ADGB: variants seen among roughly 807,000 people sequenced by gnomAD.
The protein encoded by ADGB is calpain-7-like protein.
In ADGB, 172 loss-of-function variants were observed where a neutral mutation model predicts 210.5. The ratio of observed to expected loss-of-function variants is 0.82; its 90% confidence interval spans 0.72 to 0.93. The LOEUF (loss-of-function observed/expected upper bound fraction) is 0.93, where lower values mean the gene tolerates loss of function less well. Among genes scored for constraint, ADGB ranks in the 40% least tolerant of loss-of-function variants. The pLI is 0.00. For synonymous variants in ADGB, 658 were observed against 662.7 expected (o/e 0.99, Z 0.11); for missense variants, 2,025 against 1,964.8 (o/e 1.03, Z -0.58).
At chr6:146,808,907 A>G (rs2114673746) in intron 35 of ADGB, among the ~76,000 whole-genome samples, 1 of 152,124 alleles carries the variant, frequency 6.6e-6, no homozygotes, top group South Asian at 2.1e-4. Flanking sequence ...ATTGAGAAAA[A>G]GACAGTTTGA....
chr6:146,785,729 A>AC lies in ADGB; in HGVS notation c.4315+21dup. On this transcript the variant is annotated intron_variant, in intron 32 of 35. Coordinates refer to ENST00000397944, the MANE Select transcript of ADGB (RefSeq NM_024694.4). The stretch of plus-strand genomic sequence containing the variant: ...AAGAAGAAGGTGAGTGGATCCTACC[A>AC]CCCCAGCTGCCTCAGAGCACAGAGC... The AC allele has an allele frequency of 6.6e-7, 1 of 1,519,290 alleles. No homozygotes were observed. Among genetic ancestry groups the AC allele is most frequent in the East Asian group, 2.5e-5 (1 of 40,714 alleles). The allele number at this position is 1,519,290 out of a possible 1,614,324, so 94.1% of individuals were successfully genotyped here.
At chr6:146,611,576 C>T (rs1396642318) in intron 1 of ADGB, among the ~76,000 whole-genome samples, 1 of 152,166 alleles carries the variant, frequency 6.6e-6, no homozygotes, top group Non-Finnish European at 1.5e-5. Context: ...CTGCTTCCCC[C>T]AGTAGCTGCT....
rs983662836 is a variant in ADGB at position 146,685,749 on chromosome 6, A to G, written c.1232A>G (p.Gln411Arg). ...TGTTTTACAGGTTCTTCTGCAATAC[A>G]GACCTCTCATATGGTCGTATATGCG... is the stretch of plus-strand genomic sequence containing the variant. ...QSLSDCSSAI[Q>R]TSHMVVYATF... Residue 411 changes from glutamine to arginine, a missense_variant, in exon 10 of 36, where the codon CAG becomes CGG. Transcript: ENST00000397944. 2.6e-6 allele frequency: 4 copies of G among 1,530,984 alleles called. No homozygotes were observed. Among genetic ancestry groups the G allele is most frequent in the Non-Finnish European group, 3.5e-6 (4 of 1,138,776 alleles). 94.8% of individuals were successfully genotyped at this position (1,530,984 alleles called of 1,614,324 possible).
At chr6:146,688,345 G>A (rs1213079699) in intron 10 of ADGB, among the ~76,000 whole-genome samples, 2 of 152,058 alleles carry the variant, frequency 1.3e-5, no homozygotes, top group East Asian at 3.9e-4. Context: ...CTAATGGGTA[G>A]CCAGGGAAGT....
intron 27 of ADGB, among the ~76,000 whole-genome samples, chr6:146,763,072 CCT>C (rs1777518926): frequency 6.6e-6 from 1 of 152,266 alleles, no homozygotes; most frequent in South Asian, 2.1e-4. Context: ...ATCTTTGTTT[CCT>C]AAACCTAGCA....
In ADGB at chr6:146,644,753, C is replaced by A; in HGVS notation, c.238-20C>A. On this transcript the variant is annotated intron_variant, in intron 2 of 35. Coordinates refer to ENST00000397944, the MANE Select transcript of ADGB (RefSeq NM_024694.4). The stretch of plus-strand genomic sequence containing the variant: ...TTAATAAAAGAATATGCAGAAAAAA[C>A]TCAATTTATTTTTATATAGCATTTT... 1 of 1,335,332 alleles carries A rather than the reference C, an allele frequency of 7.5e-7. No individual in the cohort carries two copies. Among genetic ancestry groups the A allele is most frequent in the Non-Finnish European group, 9.9e-7 (1 of 1,010,604 alleles). 82.7% of individuals were successfully genotyped at this position (1,335,332 alleles called of 1,614,324 possible).
chr6:146,685,721 G>A lies in ADGB; in HGVS notation c.1217-13G>A, dbSNP rs1431638860. The A allele has an allele frequency of 4.4e-5, 65 of 1,464,046 alleles. No individual in the cohort carries two copies. The highest frequency in any genetic ancestry group is 5.5e-5 in the Non-Finnish European group (60 of 1,098,238). The allele number at this position is 1,464,046 out of a possible 1,614,324, so 90.7% of individuals were successfully genotyped here. ...CTAGAATTTTCACAACATAATGTAT[G>A]TTTGTTTTACAGGTTCTTCTGCAAT... On this transcript the variant is annotated splice_polypyrimidine_tract_variant and intron_variant, in intron 9 of 35. Coordinates refer to ENST00000397944, the MANE Select transcript of ADGB (RefSeq NM_024694.4).
intron 23 of ADGB, among the ~76,000 whole-genome samples, chr6:146,739,226 G>C (rs1777127518): frequency 6.6e-6 from 1 of 152,226 alleles, no homozygotes; most frequent in East Asian, 1.9e-4. Flanking sequence ...TCCTTGTATA[G>C]ATTAGGCCAG....
intron 12 of ADGB, among the ~76,000 whole-genome samples, chr6:146,700,094 C>A (rs959976390): frequency 1.3e-5 from 2 of 152,176 alleles, no homozygotes; most frequent in Non-Finnish European, 2.9e-5. Context: ...GATAGACATG[C>A]CCCTTGTCCT....
chr6:146,777,326 C>G (rs1436751231), intron 29 of ADGB, among the ~76,000 whole-genome samples: 1 of 151,716 alleles, frequency 6.6e-6, no homozygotes, highest in Non-Finnish European at 1.5e-5. Flanking sequence ...GAAGGAAACA[C>G]AGTAAAGATT....
At chr6:146,713,880 G>T (rs1343494619) in intron 13 of ADGB, among the ~76,000 whole-genome samples, 1 of 151,938 alleles carries the variant, frequency 6.6e-6, no homozygotes, top group Non-Finnish European at 1.5e-5. Flanking sequence ...TTTGTAGTTT[G>T]TCTCTGTCTG....
chr6:146,661,323 G>C (rs1041604264), intron 5 of ADGB, among the ~76,000 whole-genome samples: 2 of 146,774 alleles, frequency 1.4e-5, no homozygotes, highest in Non-Finnish European at 3.0e-5. Context: ...GGGATCCAGT[G>C]ATCCTCCTGC....
chr6:146,676,449 C>T lies in ADGB; in HGVS notation c.1216+8C>T, dbSNP rs182208335. On this transcript the variant is annotated splice_region_variant and intron_variant, in intron 9 of 35. Transcript: ENST00000397944. ...TGCAGTCCCTATCAGATTGTAAGCT[C>T]CTAATTTCTTAGAATAATAACTATT... 2.2e-3 allele frequency: 2,946 copies of T among 1,363,608 alleles called. 5 individuals are homozygous for T. Among genetic ancestry groups the T allele is most frequent in the Admixed American group, 3.8e-3 (113 of 29,638 alleles). The allele number at this position is 1,363,608 out of a possible 1,614,324, so 84.5% of individuals were successfully genotyped here. A position where few individuals can be genotyped will look rare whatever the true frequency, so the allele number is the denominator to read the frequency against.
chr6:146,788,148 T>G (rs532142708), intron 32 of ADGB, among the ~76,000 whole-genome samples: 1 of 152,250 alleles, frequency 6.6e-6, no homozygotes, highest in East Asian at 1.9e-4. Flanking sequence ...TGTCCCAACT[T>G]CTAAAAGCCT....
chr6:146,806,459 C>T (rs1255849454), intron 35 of ADGB, among the ~76,000 whole-genome samples: 2 of 152,122 alleles, frequency 1.3e-5, no homozygotes, highest in Non-Finnish European at 2.9e-5. Context: ...CTATCTTCTA[C>T]TTGTGCAATT....
chr6:146,713,280 G>A (rs1776684373), intron 13 of ADGB, among the ~76,000 whole-genome samples: 1 of 152,180 alleles, frequency 6.6e-6, no homozygotes, highest in Non-Finnish European at 1.5e-5. Context: ...ATACCTAAGA[G>A]TGGAATTGCT....
intron 23 of ADGB, among the ~76,000 whole-genome samples, chr6:146,739,513 G>A (rs1309275847): frequency 6.6e-6 from 1 of 152,200 alleles, no homozygotes; most frequent in South Asian, 2.1e-4. Context: ...CCCCTTCCAA[G>A]TATAATCCTG....
intron 1 of ADGB, among the ~76,000 whole-genome samples, chr6:146,629,494 T>C (rs1781028273): frequency 6.6e-6 from 1 of 152,216 alleles, no homozygotes. Flanking sequence ...TAAAGCTTAA[T>C]AGCTTCAAGG....
At chr6:146,814,117 C>T (rs369285991) in intron 35 of ADGB, among the ~76,000 whole-genome samples, 6 of 152,252 alleles carry the variant, frequency 3.9e-5, no homozygotes, top group African/African-American at 1.2e-4. Flanking sequence ...AGCTACAGTA[C>T]TATCTTTTGT....
Sources: allele counts gnomAD v4.1 joint callset (sites outside exome capture counted in the v4.1 genomes callset), GRCh38; gene constraint gnomAD v4.1.1; transcripts MANE v1.5; gene names NCBI Gene and HGNC (gene_info 2026-07-23, HGNC 2026-07-21).